Variants in ACER3 observed in about 807,000 individuals in gnomAD.
The protein encoded by ACER3 is alkCDase 3.
In ACER3, 16 loss-of-function variants were observed where a neutral mutation model predicts 48.9. The ratio of observed to expected loss-of-function variants is 0.33; its 90% CI spans 0.22 to 0.50. The LOEUF (loss-of-function observed/expected upper bound fraction) is 0.50. Ranked by LOEUF, ACER3 falls within the 20% of genes least tolerant of loss-of-function variation. The probability of loss-of-function intolerance (pLI) is 0.98; values close to 1 mark genes in which losing one functional copy is unlikely to be tolerated. For missense variants in ACER3, 227 were observed against 326.0 expected (o/e 0.70, Z 2.34); for synonymous variants, 109 against 107.8 (o/e 1.01, Z -0.07).
intron 1 of ACER3, among the ~76,000 whole-genome samples, chr11:76,888,874 A>G (rs1187035678): frequency 2.0e-5 from 3 of 152,224 alleles, no homozygotes; most frequent in Non-Finnish European, 4.4e-5. Flanking sequence ...ACACAAGGCT[A>G]TGGATACCAG....
intron 2 of ACER3, among the ~76,000 whole-genome samples, chr11:76,938,024 T>G (rs1947241846): frequency 6.6e-6 from 1 of 152,158 alleles, no homozygotes; most frequent in East Asian, 1.9e-4. Flanking sequence ...TTGTCGTGGT[T>G]GTTGTTTTGA....
chr11:76,946,328 C>A (rs1947472545), intron 2 of ACER3, among the ~76,000 whole-genome samples: 1 of 151,506 alleles, frequency 6.6e-6, no homozygotes, highest in Non-Finnish European at 1.5e-5. Flanking sequence ...CTTAGGAAGG[C>A]AGCATGGGCA....
chr11:76,907,781 G>C (rs949268134), intron 1 of ACER3, among the ~76,000 whole-genome samples: 19 of 152,182 alleles, frequency 1.2e-4, no homozygotes, highest in African/African-American at 4.6e-4. Flanking sequence ...TGAGGCAGGA[G>C]AGTCACTTGA....
At chr11:76,978,907 G>A (rs1051885572) in intron 4 of ACER3, among the ~76,000 whole-genome samples, 2 of 152,212 alleles carry the variant, frequency 1.3e-5, no homozygotes, top group African/African-American at 2.4e-5. Flanking sequence ...TGCCTATGCT[G>A]GCTTCTGGAG....
intron 6 of ACER3, among the ~76,000 whole-genome samples, chr11:76,991,375 T>C (rs1948797582): frequency 6.6e-6 from 1 of 152,252 alleles, no homozygotes; most frequent in Non-Finnish European, 1.5e-5. Context: ...CATTTACTAA[T>C]GTTCTTGTAA....
At chr11:76,940,194 G>A (rs548832958) in intron 2 of ACER3, among the ~76,000 whole-genome samples, 13 of 151,544 alleles carry the variant, frequency 8.6e-5, no homozygotes, top group African/African-American at 2.7e-4. Flanking sequence ...TGTTGGCCTG[G>A]GTTGGCCTTC....
At chr11:76,948,280 T>C (rs1397566389) in intron 2 of ACER3, among the ~76,000 whole-genome samples, 1 of 150,264 alleles carries the variant, frequency 6.7e-6, no homozygotes, top group Non-Finnish European at 1.5e-5. Context: ...TGTAGGTTAC[T>C]ATAATAAGGT....
Position 76,860,956 on chromosome 11 carries a change from G to C in ACER3, c.-21G>C, listed in dbSNP as rs1326230129. ...CCCGGCACAGTGAGCGGAGCGCCTG[G>C]GCGGCGGCGGCGGCGGCGTGATGGC... On this transcript the variant is annotated 5_prime_UTR_variant, in exon 1 of 11. Transcript: ENST00000532485. The C allele has an allele frequency of 7.0e-7, 1 of 1,436,004 alleles. No individual in the cohort carries two copies. The highest frequency in any genetic ancestry group is 1.4e-5 in the African/African-American group (1 of 69,334). The allele number at this position is 1,436,004 out of a possible 1,614,324, so 89.0% of individuals were successfully genotyped here.
At chr11:76,981,350 G>A (rs1948579107) in intron 4 of ACER3, among the ~76,000 whole-genome samples, 1 of 152,124 alleles carries the variant, frequency 6.6e-6, no homozygotes, top group Admixed American at 6.5e-5. Context: ...AAATGAAAGG[G>A]GTGAAATAAT....
chr11:76,986,800 C>T (rs1948694582), intron 5 of ACER3, among the ~76,000 whole-genome samples: 5 of 152,154 alleles, frequency 3.3e-5, no homozygotes, highest in Admixed American at 3.3e-4. Context: ...CGCAGTGGCC[C>T]ACTCCTGTAA....
rs1317374057 is a variant in ACER3 at position 77,020,716 on chromosome 11, A to T, written c.*389A>T. 1 of 174,790 alleles carries T rather than the reference A, an allele frequency of 5.7e-6. No individual in the cohort carries two copies. The highest frequency in any genetic ancestry group is 1.2e-5 in the Non-Finnish European group (1 of 82,470). 10.8% of individuals were successfully genotyped at this position (174,790 alleles called of 1,614,324 possible). A position where few individuals can be genotyped will look rare whatever the true frequency, so the allele number is the denominator to read the frequency against. Reference sequence around the variant, plus strand: ...TACCTTTCTTAATATTTGATTAAATAATGCAGTCAGCTAAGAGCCAACAAA... The same window carrying T: ...TACCTTTCTTAATATTTGATTAAATTATGCAGTCAGCTAAGAGCCAACAAA... On this transcript the variant is annotated 3_prime_UTR_variant, in exon 11 of 11. Transcript: ENST00000532485.
chr11:77,001,768 G>A (rs1555019874), intron 7 of ACER3, among the ~76,000 whole-genome samples: 3 of 152,160 alleles, frequency 2.0e-5, no homozygotes, highest in Admixed American at 6.6e-5. Flanking sequence ...AATGTTAGCT[G>A]TAAGTTTTTT....
chr11:76,977,090 A>G (rs183162735), intron 4 of ACER3, among the ~76,000 whole-genome samples: 2 of 152,364 alleles, frequency 1.3e-5, no homozygotes, highest in Admixed American at 1.3e-4. Context: ...TGCAAGATAA[A>G]TGGGTATTGG....
chr11:77,009,848 A>T (rs1349748964), intron 7 of ACER3, among the ~76,000 whole-genome samples: 1 of 151,576 alleles, frequency 6.6e-6, no homozygotes, highest in Non-Finnish European at 1.5e-5. Flanking sequence ...ATTGTGGTAA[A>T]CTTCAAGGCA....
In ACER3 at chr11:77,022,111, T is replaced by C. The variant is rs1949481635; in HGVS notation, c.*1784T>C. On this transcript the variant is annotated 3_prime_UTR_variant, in exon 11 of 11. Transcript: ENST00000532485. ...GATACATTTTTTAATTCATTTGTTTTCCACCATTATATTTTTATACTTTTC... is the reference window on the plus strand; with the variant it reads ...GATACATTTTTTAATTCATTTGTTTCCCACCATTATATTTTTATACTTTTC... The C allele has an allele frequency of 6.6e-6, 1 of 152,246 alleles. No individual in the cohort carries two copies. The highest frequency in any genetic ancestry group is 1.5e-5 in the Non-Finnish European group (1 of 68,044). The allele number at this position is 152,246 out of a possible 1,614,324, so 9.4% of individuals were successfully genotyped here.
At chr11:76,907,555 G>T (rs1946265681) in intron 1 of ACER3, among the ~76,000 whole-genome samples, 1 of 152,130 alleles carries the variant, frequency 6.6e-6, no homozygotes. Context: ...AGATTTACAA[G>T]ATTATTTTTG....
chr11:76,867,685 AG>A (rs1344992939), intron 1 of ACER3, among the ~76,000 whole-genome samples: 1 of 152,156 alleles, frequency 6.6e-6, no homozygotes, highest in Admixed American at 6.5e-5. Context: ...AATAAAAGAA[AG>A]CTAAAAAATA....
intron 4 of ACER3, among the ~76,000 whole-genome samples, chr11:76,978,196 C>G (rs1212372348): frequency 1.3e-5 from 2 of 152,190 alleles, no homozygotes; most frequent in East Asian, 3.9e-4. Flanking sequence ...CGGTGAAGCT[C>G]CACCTTCAAG....
At chr11:76,997,409 T>TAGGG (rs1281269442) in intron 6 of ACER3, among the ~76,000 whole-genome samples, 3 of 152,206 alleles carry the variant, frequency 2.0e-5, no homozygotes, top group Non-Finnish European at 4.4e-5. Flanking sequence ...GCTGTGAGTA[T>TAGGG]AGGGATTATG....
Sources: allele counts gnomAD v4.1 joint callset (sites outside exome capture counted in the v4.1 genomes callset), GRCh38; gene constraint gnomAD v4.1.1; transcripts MANE v1.5; gene names NCBI Gene and HGNC (gene_info 2026-07-23, HGNC 2026-07-21).